The following ZDHHC7 variants were observed in gnomAD, a reference collection of about 807,000 sequenced individuals.
The protein encoded by ZDHHC7 is palmitoyltransferase ZDHHC7.
ZDHHC7 carries 12 observed loss-of-function variants against 34.1 expected under a neutral mutation model. That is an observed-to-expected ratio of 0.35 (90% CI 0.23 to 0.57). The LOEUF is 0.57. Among genes scored for constraint, ZDHHC7 ranks in the 20% least tolerant of loss-of-function variants. The pLI is 0.84. For missense variants in ZDHHC7, 388 were observed against 402.7 expected, an observed-to-expected ratio of 0.96 and a Z score of 0.31; for synonymous variants, 185 against 155.4, an observed-to-expected ratio of 1.19 and a Z score of -1.42.
upstream of ZDHHC7, among the ~76,000 whole-genome samples, chr16:85,014,873 T>G (rs1475590394): frequency 6.6e-6 from 1 of 152,114 alleles, no homozygotes; most frequent in African/African-American, 2.4e-5. Context: ...AAGATGTACA[T>G]TGGTTCAGTC....
intron 1 of ZDHHC7, among the ~76,000 whole-genome samples, chr16:85,009,240 T>C (rs1365269865): frequency 6.6e-6 from 1 of 152,068 alleles, no homozygotes; most frequent in African/African-American, 2.4e-5. Flanking sequence ...GTATTATTTA[T>C]ATCAACAAAG....
intron 1 of ZDHHC7, among the ~76,000 whole-genome samples, chr16:85,008,185 G>A (rs1422276854): frequency 7.2e-5 from 11 of 152,040 alleles, no homozygotes; most frequent in Admixed American, 6.5e-4. Context: ...TTTGTCCTCA[G>A]CTAACAATAT....
chr16:85,021,051 G>A, the ZDHHC7 span, among the ~76,000 whole-genome samples: 2 of 151,838 alleles, frequency 1.3e-5, no homozygotes, highest in African/African-American at 4.8e-5. Context: ...GCTGCAGTAA[G>A]CCGTGATCAC....
intron 2 of ZDHHC7, among the ~76,000 whole-genome samples, chr16:84,991,939 C>G (rs2072514875): frequency 6.6e-6 from 1 of 152,092 alleles, no homozygotes; most frequent in Non-Finnish European, 1.5e-5. Context: ...GTGGCTCATG[C>G]CTGTAATCCC....
At chr16:84,989,578 C>G (rs2072480823) in intron 3 of ZDHHC7, among the ~76,000 whole-genome samples, 1 of 151,328 alleles carries the variant, frequency 6.6e-6, no homozygotes, top group Non-Finnish European at 1.5e-5. Flanking sequence ...GCCTGTAATC[C>G]CAGCTACTCA....
the ZDHHC7 span, among the ~76,000 whole-genome samples, chr16:85,017,026 CT>C: frequency 1.3e-5 from 2 of 151,544 alleles, no homozygotes; most frequent in Non-Finnish European, 2.9e-5. Flanking sequence ...ATTGCAACCT[CT>C]GCCTCCTAGG....
intron 3 of ZDHHC7, chr16:84,988,715 G>C: frequency 6.6e-7 from 1 of 1,509,798 alleles, no homozygotes; most frequent in South Asian, 1.2e-5. Flanking sequence ...AACTGCTGAG[G>C]ACTCCCAGCC....
At chr16:84,976,564 C>G in intron 7 of ZDHHC7, 45 bp from the exon 8 acceptor site, 1 of 1,594,098 alleles carries the variant, frequency 6.3e-7, no homozygotes, top group Non-Finnish European at 8.5e-7. Context: ...CCAGGAAGCT[C>G]GGCAGACCCC....
chr16:85,020,153 C>G, the ZDHHC7 span, among the ~76,000 whole-genome samples: 1 of 152,240 alleles, frequency 6.6e-6, no homozygotes, highest in African/African-American at 2.4e-5. Context: ...GAGGGCTTGC[C>G]TTAGGCACGG....
chr16:84,990,223 G>C, intron 3 of ZDHHC7, 81 bp downstream of exon 3: 6 of 1,498,152 alleles, frequency 4.0e-6, no homozygotes, highest in Non-Finnish European at 4.5e-6. Context: ...CCTGTGCACT[G>C]CTTCCTCCAA....
Position 84,977,077 on chromosome 16 carries a change from G to T in ZDHHC7, c.750+18C>A. 2 of 1,613,962 alleles carry T rather than the reference G, an allele frequency of 1.2e-6. No homozygotes were observed. The highest frequency in any genetic ancestry group is 1.7e-6 in the Non-Finnish European group (2 of 1,179,932). On this transcript the variant is annotated intron_variant, in intron 7 of 7. Transcript: ENST00000313732. ...TTGGACCACATATGAAGTCCACACA[G>T]CCGAGAACAAAGCTTACCGTCTCGT...
chr16:84,979,515 A>T (rs9933030), intron 4 of ZDHHC7, among the ~76,000 whole-genome samples: 1 of 152,178 alleles, frequency 6.6e-6, no homozygotes, highest in Non-Finnish European at 1.5e-5. Flanking sequence ...CGAAAGGTCA[A>T]ACTAAGCCAT....
intron 4 of ZDHHC7, 104 bp downstream of exon 4, chr16:84,981,766 C>T (rs1378477871): frequency 1.1e-5 from 18 of 1,586,806 alleles, no homozygotes; most frequent in East Asian, 1.1e-4. Context: ...CCCAGATGCT[C>T]GGGGGCCATG....
chr16:84,994,248 G>A (rs112334879), intron 2 of ZDHHC7, among the ~76,000 whole-genome samples: 1 of 152,320 alleles, frequency 6.6e-6, no homozygotes, highest in African/African-American at 2.4e-5. Context: ...AAAGGCAGAT[G>A]CAACAAAAAG....
chr16:84,977,928 C>T lies in ZDHHC7; in HGVS notation c.615G>A (p.Trp205Ter). 6.2e-7 allele frequency: 1 copy of T among 1,613,304 alleles called. No homozygotes were observed. The highest frequency in any genetic ancestry group is 8.5e-7 in the Non-Finnish European group (1 of 1,179,324). Residue 205 changes from tryptophan to a stop codon, truncating the protein, a stop_gained, in exon 6 of 8, where the codon TGG (tryptophan) becomes TGA (stop). Coordinates refer to ENST00000313732, the MANE Select transcript of ZDHHC7 (RefSeq NM_017740.3). LOFTEE classifies it high-confidence loss of function. ...ACACATAGCCAGGGAACTTACCAGT[C>T]CACTGCCCTCGGACACAGGAGATGA... The part of the protein sequence containing the change: ...FQFISCVRGQ[W>*]TECSDFSPPI...
At chr16:85,003,786 G>T (rs1045447606) in intron 1 of ZDHHC7, among the ~76,000 whole-genome samples, 1 of 152,126 alleles carries the variant, frequency 6.6e-6, no homozygotes, top group Non-Finnish European at 1.5e-5. Context: ...ATGGCAAAGT[G>T]GGGGAACACA....
At chr16:85,022,882 A>G in the ZDHHC7 span, among the ~76,000 whole-genome samples, 1 of 152,186 alleles carries the variant, frequency 6.6e-6, no homozygotes, top group African/African-American at 2.4e-5. Flanking sequence ...GAAAATCTAA[A>G]TGGAGGGACA....
At chr16:84,983,838 A>G (rs1374744238) in intron 3 of ZDHHC7, among the ~76,000 whole-genome samples, 1 of 151,606 alleles carries the variant, frequency 6.6e-6, no homozygotes, top group Non-Finnish European at 1.5e-5. Context: ...CATCTCTACT[A>G]AAAATACAAA....
At chr16:85,002,980 G>A (rs1227635635) in intron 1 of ZDHHC7, among the ~76,000 whole-genome samples, 1 of 152,156 alleles carries the variant, frequency 6.6e-6, no homozygotes. Flanking sequence ...CACCTTAAGT[G>A]TCTCATAGAG....
Sources: allele counts gnomAD v4.1 joint callset (sites outside exome capture counted in the v4.1 genomes callset), GRCh38; gene constraint gnomAD v4.1.1; transcripts MANE v1.5; gene names NCBI Gene and HGNC (gene_info 2026-07-23, HGNC 2026-07-21).